Variants in CASR observed in about 807,000 individuals in gnomAD.
The protein encoded by CASR is calcium sensing receptor.
A neutral mutation model predicts 69.1 loss-of-function variants in CASR; 23 were observed. That is an observed-to-expected ratio of 0.33 (90% CI 0.24 to 0.47). The LOEUF (loss-of-function observed/expected upper bound fraction) is 0.47, where lower values mean the gene tolerates loss of function less well. CASR is among the 20% of genes least tolerant of loss of function. CASR has a pLI of 1.00. For synonymous variants in CASR, 541 were observed against 544.7 expected (o/e 0.99, Z 0.10); for missense variants, 924 against 1,356.1 (o/e 0.68, Z 5.00).
rs1161925579 is a variant in CASR, at chr3:122,261,822, A to G, written c.787A>G (p.Thr263Ala). 2.5e-6 allele frequency: 4 copies of G among 1,614,170 alleles called. No homozygotes were observed. The change falls in exon 4 of 7, where the codon ACG (threonine) becomes GCG (alanine). Residue 263 changes from threonine to alanine, a missense_variant. Transcript: ENST00000639785. ...TGTGGTAGAGGTGATTCAAAATTCC[A>G]CGGCCAAAGTCATCGTGGTTTTCTC... ...QHVVEVIQNSTAKVIVVFSSG... is the reference protein window; with the variant it reads ...QHVVEVIQNSAAKVIVVFSSG...
chr3:122,282,810 C>T (rs566550393), intron 6 of CASR, among the ~76,000 whole-genome samples: 1 of 152,320 alleles, frequency 6.6e-6, no homozygotes, highest in East Asian at 1.9e-4. Context: ...CTCATGTTAT[C>T]CTCACCCCAG....
rs797044441 is a variant in CASR, at chr3:122,257,080, G to T, written c.186-1G>T. 6.2e-7 allele frequency: 1 copy of T among 1,613,700 alleles called. No individual in the cohort carries two copies. On this transcript the variant is annotated splice_acceptor_variant, in intron 2 of 6. Transcript: ENST00000639785. LOFTEE classifies it high-confidence loss of function. ...TTTCTTCCACTTCTTCTTTCTTCCA[G>T]GTATAATTTCCGTGGGTTTCGCTGG...
At position 122,275,887 on chromosome 3, in the gene CASR, C is replaced by T. The variant is rs2107643506; in HGVS notation, c.1453C>T (p.Leu485=). The change falls in exon 5 of 7, where the codon CTG becomes TTG. Residue 485 remains leucine (L), a synonymous_variant. Transcript: ENST00000639785. ...EQVTFDECGD[L]VGNYSIINWH... is the part of the protein sequence containing the mutation. ...GGTGACCTTTGATGAGTGTGGTGAC[C>T]TGGTGGGGAACTATTCCATCATCAA... The T allele has an allele frequency of 6.2e-7, 1 of 1,614,104 alleles. No homozygotes were observed. Among genetic ancestry groups the T allele is most frequent in the East Asian group, 2.2e-5 (1 of 44,886 alleles).
Position 122,284,524 on chromosome 3 carries a change from T to G in CASR, c.2570T>G (p.Ile857Ser), listed in dbSNP as rs766445416. 1 of 1,613,676 alleles carries G rather than the reference T, an allele frequency of 6.2e-7. No individual in the cohort carries two copies. The highest frequency in any genetic ancestry group is 8.5e-7 in the Non-Finnish European group (1 of 1,180,044). Residue 857 changes from isoleucine to serine, a missense_variant, in exon 7 of 7, where the codon ATC becomes AGC. By Grantham distance (142) the Ile-to-Ser change is moderately radical. Transcript: ENST00000639785. ...GLLACIFFNK[I>S]YIILFKPSRN... ...CTGGCGTGCATCTTCTTCAACAAGA[T>G]CTACATCATTCTCTTCAAGCCATCC...
At chr3:122,210,620 T>C (rs922093943) in intron 1 of CASR, among the ~76,000 whole-genome samples, 3 of 152,184 alleles carry the variant, frequency 2.0e-5, no homozygotes, top group Non-Finnish European at 4.4e-5. Context: ...CATTCCATGC[T>C]CATGAATAGG....
chr3:122,281,688 A>G (rs1286200000), intron 5 of CASR, among the ~76,000 whole-genome samples: 1 of 152,162 alleles, frequency 6.6e-6, no homozygotes, highest in East Asian at 1.9e-4. Context: ...GATTTGTCTA[A>G]TATTAGACTT....
chr3:122,250,996 AC>A (rs2074477358), intron 1 of CASR, among the ~76,000 whole-genome samples: 1 of 152,176 alleles, frequency 6.6e-6, no homozygotes, highest in Non-Finnish European at 1.5e-5. Flanking sequence ...TGAACATATG[AC>A]CAGGGTCCAA....
chr3:122,281,676 T>G (rs1008366404), intron 5 of CASR, among the ~76,000 whole-genome samples: 2 of 152,240 alleles, frequency 1.3e-5, no homozygotes, highest in African/African-American at 4.8e-5. Flanking sequence ...ATAATACTTA[T>G]AGATTTGTCT....
At chr3:122,252,724 G>A (rs1267652376) in intron 1 of CASR, among the ~76,000 whole-genome samples, 1 of 152,128 alleles carries the variant, frequency 6.6e-6, no homozygotes, top group Non-Finnish European at 1.5e-5. Context: ...CTTATTTTGT[G>A]TCTCTGTGGA....
chr3:122,272,631 C>T (rs2074773365), intron 4 of CASR, among the ~76,000 whole-genome samples: 1 of 152,188 alleles, frequency 6.6e-6, no homozygotes, highest in Non-Finnish European at 1.5e-5. Flanking sequence ...GCACTGTTTA[C>T]TGCTTCATTG....
rs545457357 is a variant in CASR at position 122,287,406 on chromosome 3, G to A, written c.*2215G>A. Reference sequence around the variant, plus strand: ...CACAACTCAGCACAAAATCAGGGGTGTGAAATATGAACTTGCATTGTTTTT... The same window carrying A: ...CACAACTCAGCACAAAATCAGGGGTATGAAATATGAACTTGCATTGTTTTT... On this transcript the variant is annotated 3_prime_UTR_variant, in exon 7 of 7. Transcript: ENST00000639785. The A allele has an allele frequency of 6.6e-6, 1 of 152,362 alleles. No individual in the cohort carries two copies. The highest frequency in any genetic ancestry group is 6.5e-5 in the Admixed American group (1 of 15,310). The allele number at this position is 152,362 out of a possible 1,614,324, so 9.4% of individuals were successfully genotyped here. A position where few individuals can be genotyped will look rare whatever the true frequency, so the allele number is the denominator to read the frequency against.
At chr3:122,221,956 G>C (rs947804264) in intron 1 of CASR, among the ~76,000 whole-genome samples, 1 of 151,502 alleles carries the variant, frequency 6.6e-6, no homozygotes, top group African/African-American at 2.4e-5. Context: ...CATTAAGCTA[G>C]CACAGTCTCC....
chr3:122,264,813 C>T (rs2074670463), intron 4 of CASR, among the ~76,000 whole-genome samples: 1 of 152,214 alleles, frequency 6.6e-6, no homozygotes, highest in Non-Finnish European at 1.5e-5. Context: ...TATTCATTCT[C>T]ATTATTAAGA....
In CASR at chr3:122,284,759, G is replaced by A. The variant is rs1358539214; in HGVS notation, c.2805G>A (p.Pro935=). ...PQPERQKQQQ[P]LALTQQEQQQ... ...CCGAGAGGCAGAAGCAGCAGCAGCCGCTGGCCCTAACCCAGCAAGAGCAGC... is the reference window on the plus strand; with the variant it reads ...CCGAGAGGCAGAAGCAGCAGCAGCCACTGGCCCTAACCCAGCAAGAGCAGC... Residue 935 remains proline (P), a synonymous_variant, in exon 7 of 7, where the codon CCG becomes CCA. Coordinates refer to ENST00000639785, the MANE Select transcript of CASR (RefSeq NM_000388.4). 2 of 1,614,080 alleles carry A rather than the reference G, an allele frequency of 1.2e-6. No individual in the cohort carries two copies. The highest frequency in any genetic ancestry group is 1.7e-5 in the Admixed American group (1 of 60,026).
intron 5 of CASR, 125 bp downstream of exon 5, chr3:122,276,167 C>G: frequency 1.4e-6 from 1 of 716,040 alleles, no homozygotes; most frequent in Non-Finnish European, 2.5e-6. Context: ...CCTGAACTCT[C>G]TGGCCTTTGC....
chr3:122,212,121 C>T (rs1188893431), intron 1 of CASR, among the ~76,000 whole-genome samples: 3 of 152,158 alleles, frequency 2.0e-5, no homozygotes, highest in Non-Finnish European at 4.4e-5. Flanking sequence ...ATGTTCATTG[C>T]AGCACCGTGC....
chr3:122,248,174 G>A (rs2074446384), intron 1 of CASR, among the ~76,000 whole-genome samples: 1 of 152,142 alleles, frequency 6.6e-6, no homozygotes, highest in Non-Finnish European at 1.5e-5. Context: ...AACAACATGT[G>A]CCTTGCTTTG....
At chr3:122,220,117 G>A (rs2074156040) in intron 1 of CASR, among the ~76,000 whole-genome samples, 1 of 152,116 alleles carries the variant, frequency 6.6e-6, no homozygotes, top group African/African-American at 2.4e-5. Context: ...TAACCTGCAG[G>A]GCCACAAGCA....
intron 1 of CASR, among the ~76,000 whole-genome samples, chr3:122,238,050 T>C (rs1030610946): frequency 6.6e-6 from 1 of 152,092 alleles, no homozygotes; most frequent in Non-Finnish European, 1.5e-5. Context: ...ACACCACATT[T>C]TAACAACTAA....
Sources: gnomAD v4.1 joint callset for allele counts (sites outside exome capture counted in the v4.1 genomes callset) on GRCh38, gnomAD v4.1.1 for gene constraint, MANE v1.5 for transcripts, NCBI Gene and HGNC (gene_info 2026-07-23, HGNC 2026-07-21) for gene names.